The following ALPK2 variants were observed in gnomAD, a reference collection of about 807,000 sequenced individuals.
The protein encoded by ALPK2 is alpha-protein kinase 2.
Under a neutral mutation model 163.1 loss-of-function variants are expected in ALPK2, and 127 were observed. That is an observed-to-expected ratio of 0.78 (90% CI 0.67 to 0.90). ALPK2 has a LOEUF of 0.90. Ranked by LOEUF, ALPK2 falls within the 40% of genes least tolerant of loss-of-function variation. The pLI, the probability that ALPK2 is intolerant of heterozygous loss-of-function variation, is 0.00. For missense variants in ALPK2, 2,360 were observed against 2,589.6 expected (o/e 0.91, Z 1.92); for synonymous variants, 953 against 959.1 (o/e 0.99, Z 0.12).
At chr18:58,521,047 C>T (rs1230577969) in intron 8 of ALPK2, among the ~76,000 whole-genome samples, 1 of 152,176 alleles carries the variant, frequency 6.6e-6, no homozygotes, top group African/African-American at 2.4e-5. Context: ...TTTTCAGCTT[C>T]TTTATCTGAA....
At chr18:58,619,619 T>C (rs1246574337) in intron 1 of ALPK2, among the ~76,000 whole-genome samples, 1 of 152,222 alleles carries the variant, frequency 6.6e-6, no homozygotes, top group Admixed American at 6.5e-5. Context: ...CCAAAAACAG[T>C]TTTTATATTT....
chr18:58,600,274 A>G (rs1280967333), intron 3 of ALPK2, among the ~76,000 whole-genome samples: 3 of 151,984 alleles, frequency 2.0e-5, no homozygotes, highest in Non-Finnish European at 4.4e-5. Flanking sequence ...TGACCTCAAG[A>G]GATCTGCCTG....
intron 3 of ALPK2, among the ~76,000 whole-genome samples, chr18:58,597,964 G>A (rs1246939729): frequency 6.6e-6 from 1 of 152,226 alleles, no homozygotes; most frequent in Non-Finnish European, 1.5e-5. Flanking sequence ...ACCAGGAAGA[G>A]GGCCCTTACC....
intron 11 of ALPK2, among the ~76,000 whole-genome samples, chr18:58,500,781 A>T (rs1055751337): frequency 0.033 from 11 of 330 alleles, no homozygotes; most frequent in Non-Finnish European, 0.16. Context: ...AAAAAAATTA[A>T]AAAAAAAAAA....
At chr18:58,599,605 A>G (rs1344559962) in intron 3 of ALPK2, among the ~76,000 whole-genome samples, 1 of 151,938 alleles carries the variant, frequency 6.6e-6, no homozygotes, top group Non-Finnish European at 1.5e-5. Flanking sequence ...CATTTTTTTT[A>G]CCCTCCAAAA....
At chr18:58,581,805 T>C (rs191061542) in intron 3 of ALPK2, among the ~76,000 whole-genome samples, 2 of 152,342 alleles carry the variant, frequency 1.3e-5, no homozygotes, top group Admixed American at 1.3e-4. Flanking sequence ...TCTGGCTTGG[T>C]CTGAGAGGCA....
chr18:58,587,072 T>C (rs1406526682), intron 3 of ALPK2, among the ~76,000 whole-genome samples: 1 of 152,194 alleles, frequency 6.6e-6, no homozygotes, highest in East Asian at 1.9e-4. Flanking sequence ...GGCAGAGTTG[T>C]CAATTGCCTG....
chr18:58,537,094 C>T lies in ALPK2; in HGVS notation c.3093G>A (p.Lys1031=), dbSNP rs2051654250. The T allele has an allele frequency of 6.2e-7, 1 of 1,614,232 alleles. No individual in the cohort carries two copies. Among genetic ancestry groups the T allele is most frequent in the Non-Finnish European group, 8.5e-7 (1 of 1,180,024 alleles). ...ACCTCTCCTCAGTGCCACCTGCATG[C>T]TTGTCCTCAGGAATTGACACAGCAA... ...KYLAVSIPED[K]HAGGTEERFP... The change falls in exon 5 of 13, where the codon AAG becomes AAA. Residue 1031 remains lysine (K), a synonymous_variant. Coordinates refer to ENST00000361673, the MANE Select transcript of ALPK2 (RefSeq NM_052947.4).
chr18:58,622,428 C>T (rs1253603716), intron 1 of ALPK2, among the ~76,000 whole-genome samples: 1 of 152,128 alleles, frequency 6.6e-6, no homozygotes, highest in Non-Finnish European at 1.5e-5. Flanking sequence ...GAAAAATGCA[C>T]CTGAAACACA....
intron 3 of ALPK2, among the ~76,000 whole-genome samples, chr18:58,582,668 C>T (rs2051964902): frequency 6.6e-6 from 1 of 152,002 alleles, no homozygotes. Flanking sequence ...GAACAAGTGC[C>T]CGAGGTAGTC....
At chr18:58,504,191 G>A (rs759424745) in intron 10 of ALPK2, 43 bp from the exon 11 acceptor site, 1 of 1,509,476 alleles carries the variant, frequency 6.6e-7, no homozygotes, top group South Asian at 1.1e-5. Flanking sequence ...GGTCTCTACT[G>A]GGAAGAGAGG....
At chr18:58,609,958 G>C (rs1003928699) in intron 2 of ALPK2, among the ~76,000 whole-genome samples, 14 of 152,160 alleles carry the variant, frequency 9.2e-5, no homozygotes, top group African/African-American at 3.4e-4. Flanking sequence ...TGAGCGCACA[G>C]TTCTACACTG....
At chr18:58,489,297 A>G (rs1363857129) in intron 12 of ALPK2, among the ~76,000 whole-genome samples, 1 of 152,218 alleles carries the variant, frequency 6.6e-6, no homozygotes, top group African/African-American at 2.4e-5. Context: ...CTCCTGTGGC[A>G]TGCTGGTTTC....
intron 2 of ALPK2, among the ~76,000 whole-genome samples, chr18:58,608,539 C>T (rs1011874483): frequency 1.3e-5 from 2 of 152,148 alleles, no homozygotes; most frequent in African/African-American, 2.4e-5. Flanking sequence ...GGAAGGAAAG[C>T]CTGGTATTTG....
rs747571215 is a variant in ALPK2 at position 58,579,743 on chromosome 18, G to T, written c.1033C>A (p.Gln345Lys). The change falls in exon 4 of 13, where the codon CAA becomes AAA. Residue 345 changes from glutamine (Q) to lysine (K), a missense_variant. Transcript: ENST00000361673. ...TGCTCAGTCCCCAGCAGGTTCCTTT[G>T]CCAAACTGCATTAGAGTAATCCGTC... ...VMTDYSNAVW[Q>K]RNLLGTEHVF... The T allele has an allele frequency of 6.2e-7, 1 of 1,614,054 alleles. No individual in the cohort carries two copies. Among genetic ancestry groups the T allele is most frequent in the East Asian group, 2.2e-5 (1 of 44,896 alleles).
At chr18:58,524,173 C>A in intron 6 of ALPK2, 111 bp from the exon 7 acceptor site, 1 of 1,425,086 alleles carries the variant, frequency 7.0e-7, no homozygotes, top group Non-Finnish European at 9.4e-7. Flanking sequence ...ATGTTTTCAG[C>A]CAGTGAGCTG....
At chr18:58,622,622 C>T (rs1004537311) in intron 1 of ALPK2, among the ~76,000 whole-genome samples, 3 of 152,280 alleles carry the variant, frequency 2.0e-5, no homozygotes, top group East Asian at 3.9e-4. Context: ...GTGCTGTAAT[C>T]GGACCCACTT....
Position 58,529,103 on chromosome 18 carries a change from TG to T in ALPK2, c.5488del (p.Gln1830LysfsTer38). Reference sequence around the variant, plus strand: ...AAAAACATCGCACCTTCTCTGCACTTGGGCTATGGACTTTGAATCTTTTGTC... The same window carrying T: ...AAAAACATCGCACCTTCTCTGCACTTGGCTATGGACTTTGAATCTTTTGTC... ...CWTKDSKSIA[Q>X]VQRSAGDNST... On this transcript the variant is annotated frameshift_variant, in exon 6 of 13. Coordinates refer to ENST00000361673, the MANE Select transcript of ALPK2 (RefSeq NM_052947.4). 1 of 1,614,136 alleles carries T rather than the reference TG, an allele frequency of 6.2e-7. No individual in the cohort carries two copies. The highest frequency in any genetic ancestry group is 2.2e-5 in the East Asian group (1 of 44,876).
intron 12 of ALPK2, among the ~76,000 whole-genome samples, chr18:58,488,809 C>T (rs909353064): frequency 3.9e-4 from 59 of 152,078 alleles, no homozygotes; most frequent in African/African-American, 1.4e-3. Flanking sequence ...AAAATAAAGC[C>T]AGGCTGGACT....
Sources: gnomAD v4.1 joint callset for allele counts (sites outside exome capture counted in the v4.1 genomes callset) on GRCh38, gnomAD v4.1.1 for gene constraint, MANE v1.5 for transcripts, NCBI Gene and HGNC (gene_info 2026-07-23, HGNC 2026-07-21) for gene names.